The following TASOR2 variants were observed in gnomAD, a reference collection of about 807,000 sequenced individuals.
The protein encoded by TASOR2 is protein TASOR 2.
In TASOR2, 84 loss-of-function variants were observed where a neutral mutation model predicts 199.5. The observed-to-expected ratio is 0.42, with a 90% confidence interval of 0.35 to 0.50. TASOR2 has a LOEUF of 0.50. Among genes scored for constraint, TASOR2 ranks in the 20% least tolerant of loss-of-function variants. The pLI, the probability that TASOR2 is intolerant of heterozygous loss-of-function variation, is 0.02. For missense variants in TASOR2, 2,796 were observed against 2,835.9 expected (o/e 0.99, Z 0.32); for synonymous variants, 1,103 against 1,046.6 (o/e 1.05, Z -1.04).
In TASOR2 at chr10:5,720,988, T is replaced by C. The variant is rs779528948; in HGVS notation, c.146+18T>C. The C allele has an allele frequency of 2.5e-6, 4 of 1,569,192 alleles. No individual in the cohort carries two copies. Among genetic ancestry groups the C allele is most frequent in the Non-Finnish European group, 3.5e-6 (4 of 1,152,248 alleles). On this transcript the variant is annotated intron_variant, in intron 6 of 20. Transcript: ENST00000328090. This position sits in a 1 kb window ranked among gnomAD's most constrained non-coding sequence, Gnocchi z 5.3. ...ACACAGCTGTAAGTATTAAATGTTA[T>C]GTCCTTTACTAATGCTTATATTACA...
chr10:5,717,649 A>G lies in TASOR2; in HGVS notation c.-191-10A>G, dbSNP rs1564286796. On this transcript the variant is annotated splice_polypyrimidine_tract_variant and intron_variant, in intron 2 of 20. Coordinates refer to ENST00000328090, the Ensembl canonical transcript of TASOR2. Reference sequence around the variant, plus strand: ...ATCTGCTGCTTAATCTATATTTTATACTTTTACAGGTGTATACATTTCCAA... The same window carrying G: ...ATCTGCTGCTTAATCTATATTTTATGCTTTTACAGGTGTATACATTTCCAA... 8.6e-7 allele frequency: 1 copy of G among 1,156,560 alleles called. No individual in the cohort carries two copies. The highest frequency in any genetic ancestry group is 3.2e-5 in the East Asian group (1 of 31,338). The allele number at this position is 1,156,560 out of a possible 1,614,324, so 71.6% of individuals were successfully genotyped here. A position where few individuals can be genotyped will look rare whatever the true frequency, so the allele number is the denominator to read the frequency against.
In TASOR2 at chr10:5,747,499, AAG is replaced by A. The variant is rs1162437866; in HGVS notation, c.4079_4080del (p.Lys1360ArgfsTer3). On this transcript the variant is annotated frameshift_variant, in exon 15 of 21. Transcript: ENST00000328090. LOFTEE classifies it high-confidence loss of function. Reference sequence around the variant, plus strand: ...AGAACCAGTAGAAAATAAGGAGAGAAAGGGGGATAATTTACAACCAGTTACTT... The same window carrying A: ...AGAACCAGTAGAAAATAAGGAGAGAAGGGGATAATTTACAACCAGTTACTT... The A allele has an allele frequency of 1.9e-6, 3 of 1,614,006 alleles. No homozygotes were observed. The highest frequency in any genetic ancestry group is 2.5e-6 in the Non-Finnish European group (3 of 1,180,038).
chr10:5,707,654 T>TCTC (rs140087644), intron 1 of TASOR2, among the ~76,000 whole-genome samples: 1 of 135,652 alleles, frequency 7.4e-6, no homozygotes, highest in African/African-American at 2.8e-5. Context: ...CTCATTCTCT[T>TCTC]TCTCTCTCTC....
chr10:5,761,268 T>C (rs1839785278), intron 18 of TASOR2, 22 bp from the exon 20 acceptor site: 1 of 1,574,858 alleles, frequency 6.3e-7, no homozygotes, highest in Non-Finnish European at 8.6e-7. Flanking sequence ...AATATTTTAA[T>C]ATGCCTATGT....
intron 20 of TASOR2, 113 bp from the exon 22 acceptor site, chr10:5,762,916 A>G (rs1299335458): frequency 2.0e-6 from 2 of 977,856 alleles, no homozygotes; most frequent in African/African-American, 3.3e-5. Context: ...AGTACAGAAC[A>G]TAATGTAACC....
intron 1 of TASOR2, among the ~76,000 whole-genome samples, chr10:5,696,194 A>G (rs1837130590): frequency 6.6e-6 from 1 of 152,154 alleles, no homozygotes; most frequent in South Asian, 2.1e-4. Flanking sequence ...TCAACAAAAC[A>G]TTAACGGATT....
At chr10:5,763,067 A>G (rs764236290) in exon 21 of TASOR2, 9 of 1,606,392 alleles carry the variant, frequency 5.6e-6, no homozygotes, top group Non-Finnish European at 6.8e-6. Context: ...GGATGATGCC[A>G]ATAAAAAATT....
rs763223390 is a variant in TASOR2, at chr10:5,723,663, G to C, written c.147-14G>C. The C allele has an allele frequency of 6.6e-7, 1 of 1,508,754 alleles. No homozygotes were observed. The highest frequency in any genetic ancestry group is 1.4e-5 in the African/African-American group (1 of 72,056). The allele number at this position is 1,508,754 out of a possible 1,614,324, so 93.5% of individuals were successfully genotyped here. On this transcript the variant is annotated splice_polypyrimidine_tract_variant and intron_variant, in intron 6 of 20. Coordinates refer to ENST00000328090, the Ensembl canonical transcript of TASOR2. ...GTTTATTATTCTGCTTGATACTGTT[G>C]TGTTGTTTTTCAGACCGCAGGAACT...
At chr10:5,696,982 A>AATT (rs1564252723) in intron 1 of TASOR2, among the ~76,000 whole-genome samples, 1 of 152,206 alleles carries the variant, frequency 6.6e-6, no homozygotes, top group Non-Finnish European at 1.5e-5. Flanking sequence ...GAATTAGAAA[A>AATT]TAAGAGTGAA....
In TASOR2 at chr10:5,735,533, G is replaced by C. The variant is rs958599207; in HGVS notation, c.1434G>C (p.Lys478Asn). 4 of 1,613,430 alleles carry C rather than the reference G, an allele frequency of 2.5e-6. No individual in the cohort carries two copies. Among genetic ancestry groups the C allele is most frequent in the Middle Eastern group, 1.6e-4 (1 of 6,084 alleles). Residue 478 changes from lysine (K) to asparagine (N), a missense_variant, in exon 12 of 21, where the codon AAG becomes AAC. Coordinates refer to ENST00000328090, the Ensembl canonical transcript of TASOR2. ...GCAATGAGAACCCCAGAAACAGAAAGCAGCTACAACCTGGTAAGAAATACT... is the reference window on the plus strand; with the variant it reads ...GCAATGAGAACCCCAGAAACAGAAACCAGCTACAACCTGGTAAGAAATACT...
At chr10:5,707,017 T>G (rs1340682260) in intron 1 of TASOR2, among the ~76,000 whole-genome samples, 1 of 145,692 alleles carries the variant, frequency 6.9e-6, no homozygotes, top group African/African-American at 2.5e-5. Flanking sequence ...AAAAAAAAAG[T>G]AAGCACCCAA....
At chr10:5,761,659 ATCC>A (rs965949527) in intron 19 of TASOR2, 188 bp downstream of exon 20, 21 of 587,604 alleles carry the variant, frequency 3.6e-5, no homozygotes, top group South Asian at 2.3e-4. Context: ...TAACTACACA[ATCC>A]TCCTATGTAT....
intron 2 of TASOR2, among the ~76,000 whole-genome samples, chr10:5,714,808 T>C (rs1479898949): frequency 1.3e-5 from 2 of 152,146 alleles, no homozygotes; most frequent in Non-Finnish European, 2.9e-5. Context: ...AGTACTACTT[T>C]TATGAGTTGA....
chr10:5,684,865 A>G (rs1454636826), exon 1 of TASOR2: 3 of 394,444 alleles, frequency 7.6e-6, no homozygotes, highest in Non-Finnish European at 1.3e-5. Context: ...CCGGTCAGAG[A>G]GAAAGTCGGC....
rs144094811 is a variant in TASOR2 at position 5,699,819 on chromosome 10, C to G, written c.-287-13004C>G. On this transcript the variant is annotated intron_variant, in intron 1 of 20. Transcript: ENST00000328090. The surrounding 1 kb of genome is among the most constrained non-coding windows in gnomAD (Gnocchi z 4.1). ...AGGAGAAAAATGAGTAAAACAGGTA[C>G]ACATTTATTTTTATTGATGCGTAAT... is the stretch of plus-strand genomic sequence containing the variant. 2 of 824,650 alleles carry G rather than the reference C, an allele frequency of 2.4e-6. No individual in the cohort carries two copies. The highest frequency in any genetic ancestry group is 1.2e-4 in the East Asian group (1 of 8,048). The allele number at this position is 824,650 out of a possible 1,614,324, so 51.1% of individuals were successfully genotyped here.
At position 5,738,718 on chromosome 10, in the gene TASOR2, G is replaced by C. The variant is rs2131610052; in HGVS notation, c.1448-900G>C. On this transcript the variant is annotated intron_variant, in intron 12 of 20. Transcript: ENST00000328090. The surrounding 1 kb of genome is among the most constrained non-coding windows in gnomAD (Gnocchi z 4.7). ...TTTGGACCTGCTACTATGATAAAGAGGAACATAGTTGGCTTTTCTGGTCAT... is the reference window on the plus strand; with the variant it reads ...TTTGGACCTGCTACTATGATAAAGACGAACATAGTTGGCTTTTCTGGTCAT... Among the ~76,000 whole-genome samples, 1 of 152,296 alleles carries C rather than the reference G, an allele frequency of 6.6e-6. No individual in the cohort carries two copies. The highest frequency in any genetic ancestry group is 1.9e-4 in the East Asian group (1 of 5,182).
chr10:5,749,718 T>TAC lies in TASOR2; in HGVS notation c.6298_6299dup (p.Val2101LeufsTer2), dbSNP rs769979937. The TAC allele has an allele frequency of 1.9e-6, 3 of 1,614,200 alleles. No homozygotes were observed. Among genetic ancestry groups the TAC allele is most frequent in the Non-Finnish European group, 2.5e-6 (3 of 1,180,028 alleles). ...ACCTCAACAAACTGAAATACAACAGTACTGTGAAGGAATCTCGGAATGATA... is the reference window on the plus strand; with the variant it reads ...ACCTCAACAAACTGAAATACAACAGTACACTGTGAAGGAATCTCGGAATGATA... On this transcript the variant is annotated frameshift_variant, in exon 15 of 21. Coordinates refer to ENST00000328090, the Ensembl canonical transcript of TASOR2. LOFTEE classifies it high-confidence loss of function.
chr10:5,760,672 A>G (rs1218896506), intron 18 of TASOR2, among the ~76,000 whole-genome samples: 3 of 152,258 alleles, frequency 2.0e-5, no homozygotes, highest in African/African-American at 7.2e-5. Context: ...GTCATAAAAA[A>G]TTTATACAGG....
At position 5,720,622 on chromosome 10, in the gene TASOR2, C is replaced by T. The variant is rs746465567; in HGVS notation, c.-21C>T. On this transcript the variant is annotated 5_prime_UTR_variant, in exon 4 of 21. Coordinates refer to ENST00000328090, the Ensembl canonical transcript of TASOR2. This position sits in a 1 kb window ranked among gnomAD's most constrained non-coding sequence, Gnocchi z 5.3. ...CTGTCCTTATGTAATTGTAGCTTTT[C>T]GATACAGGGAATCTAAAACTATGGC... 28 of 1,613,678 alleles carry T rather than the reference C, an allele frequency of 1.7e-5. No homozygotes were observed. The South Asian group carries it at 2.0e-4, about 11-fold the overall frequency.
Sources: allele counts gnomAD v4.1 joint callset (sites outside exome capture counted in the v4.1 genomes callset), GRCh38; gene constraint gnomAD v4.1.1; non-coding constraint Gnocchi (gnomAD v3.1); transcripts MANE v1.5; gene names NCBI Gene and HGNC (gene_info 2026-07-23, HGNC 2026-07-21).